Variants in NXN observed in about 807,000 individuals in gnomAD.
NXN encodes nucleoredoxin 1.
NXN carries 16 observed loss-of-function variants against 48.6 expected under a neutral mutation model. The ratio of observed to expected loss-of-function variants is 0.33; its 90% CI spans 0.22 to 0.50. The LOEUF (loss-of-function observed/expected upper bound fraction) is 0.50, where lower values mean the gene tolerates loss of function less well. NXN is among the 20% of genes least tolerant of loss of function. NXN has a pLI of 0.98. For missense variants in NXN, 492 were observed against 605.5 expected (o/e 0.81, Z 1.97); for synonymous variants, 281 against 269.6 (o/e 1.04, Z -0.41).
intron 1 of NXN, among the ~76,000 whole-genome samples, chr17:837,854 C>G (rs748999647): frequency 2.0e-5 from 3 of 152,174 alleles, no homozygotes; most frequent in Non-Finnish European, 4.4e-5. Context: ...CTCCTGGTGG[C>G]TCTGCCATTT....
At chr17:815,152 A>T (rs1445527354) in intron 5 of NXN, among the ~76,000 whole-genome samples, 1 of 152,246 alleles carries the variant, frequency 6.6e-6, no homozygotes, top group African/African-American at 2.4e-5. Context: ...TATACAAAAG[A>T]TAAAAACAAA....
chr17:935,055 G>A (rs2068894397), intron 1 of NXN, among the ~76,000 whole-genome samples: 2 of 148,778 alleles, frequency 1.3e-5, no homozygotes, highest in South Asian at 4.3e-4. Flanking sequence ...GCAGTGGTGT[G>A]ATCTCGGCTC....
intron 1 of NXN, among the ~76,000 whole-genome samples, chr17:951,789 G>A (rs1454341945): frequency 6.6e-6 from 1 of 152,206 alleles, no homozygotes; most frequent in African/African-American, 2.4e-5. Context: ...TTCACCTGGG[G>A]TCCCGTGGGT....
intron 1 of NXN, among the ~76,000 whole-genome samples, chr17:931,843 A>G: frequency 8.7e-6 from 1 of 114,682 alleles, no homozygotes. Flanking sequence ...TCAAAAAAAA[A>G]AAAAAAAAAA....
chr17:846,703 A>G (rs2067866194), intron 1 of NXN, among the ~76,000 whole-genome samples: 1 of 114,282 alleles, frequency 8.8e-6, no homozygotes, highest in Non-Finnish European at 1.7e-5. Flanking sequence ...ACGTTAAAGA[A>G]AAGTGGAGGG....
Position 958,847 on chromosome 17 carries a change from G to A in NXN, c.360+20472C>T, listed in dbSNP as rs367693695. Reference sequence around the variant, plus strand: ...CTCAGGGGGCTGAGGTGGGAGGATCGCTTGAGCCCAGGAGGTCAGGGCTGC... The same window carrying A: ...CTCAGGGGGCTGAGGTGGGAGGATCACTTGAGCCCAGGAGGTCAGGGCTGC... On this transcript the variant is annotated intron_variant, in intron 1 of 7. Coordinates refer to ENST00000336868, the MANE Select transcript of NXN (RefSeq NM_022463.5). The surrounding 1 kb of genome is among the most constrained non-coding windows in gnomAD (Gnocchi z 6.9). Among the ~76,000 whole-genome samples the A allele has an allele frequency of 2.4e-4, 37 of 152,190 alleles. No homozygotes were observed. In the East Asian group the frequency reaches 5.0e-3, roughly 21 times the overall value.
At chr17:842,369 C>T (rs766834021) in intron 1 of NXN, among the ~76,000 whole-genome samples, 1 of 152,236 alleles carries the variant, frequency 6.6e-6, no homozygotes, top group South Asian at 2.1e-4. Flanking sequence ...ACAGGTGAAG[C>T]ATGAAAGGCT....
intron 5 of NXN, among the ~76,000 whole-genome samples, chr17:813,736 A>G (rs191880301): frequency 6.6e-6 from 1 of 152,218 alleles, no homozygotes; most frequent in Admixed American, 6.5e-5. Flanking sequence ...TGGGAGGCCA[A>G]GGCGGGCACA....
intron 1 of NXN, among the ~76,000 whole-genome samples, chr17:897,563 T>TA (rs2068499651): frequency 1.3e-5 from 2 of 152,306 alleles, no homozygotes; most frequent in African/African-American, 4.8e-5. Context: ...ATTGAGAAAT[T>TA]AGACAGTACT....
At chr17:922,943 C>T (rs1349358737) in intron 1 of NXN, among the ~76,000 whole-genome samples, 7 of 152,112 alleles carry the variant, frequency 4.6e-5, no homozygotes, top group Middle Eastern at 3.4e-3. Flanking sequence ...TGAGCCACCA[C>T]GCCCGGCCCA....
intron 4 of NXN, 106 bp from the exon 5 acceptor site, chr17:819,651 G>T (rs911463825): frequency 1.3e-6 from 1 of 784,206 alleles, no homozygotes; most frequent in African/African-American, 1.7e-5. Flanking sequence ...CAGAAGCCGG[G>T]GTTTCTAACC....
At chr17:858,795 G>A (rs2068013213) in intron 1 of NXN, among the ~76,000 whole-genome samples, 1 of 152,198 alleles carries the variant, frequency 6.6e-6, no homozygotes, top group Admixed American at 6.5e-5. Context: ...CGAAGGGTCT[G>A]AGATGCTGGT....
chr17:843,752 C>T (rs565203242), intron 1 of NXN, among the ~76,000 whole-genome samples: 53 of 152,302 alleles, frequency 3.5e-4, no homozygotes, highest in African/African-American at 1.2e-3. Context: ...AGATGTGCCA[C>T]GCTCACTCTG....
intron 1 of NXN, among the ~76,000 whole-genome samples, chr17:904,337 T>C (rs2068564138): frequency 6.6e-6 from 1 of 152,284 alleles, no homozygotes; most frequent in South Asian, 2.1e-4. Flanking sequence ...CCCAGTTTTA[T>C]GGTGCCCCGT....
intron 1 of NXN, among the ~76,000 whole-genome samples, chr17:861,976 T>C (rs1291295299): frequency 6.6e-6 from 1 of 152,080 alleles, no homozygotes; most frequent in Non-Finnish European, 1.5e-5. Flanking sequence ...ATTACAGGCA[T>C]GAACCACCAT....
chr17:839,101 G>A (rs1291004133), intron 1 of NXN, among the ~76,000 whole-genome samples: 1 of 152,196 alleles, frequency 6.6e-6, no homozygotes, highest in Non-Finnish European at 1.5e-5. Context: ...GTGAGAACTG[G>A]ATTAATGCAC....
chr17:822,760 T>C (rs752802464), intron 3 of NXN, among the ~76,000 whole-genome samples: 1 of 152,152 alleles, frequency 6.6e-6, no homozygotes, highest in Non-Finnish European at 1.5e-5. Flanking sequence ...GCATTGTCCC[T>C]ATGCAGTGTG....
chr17:846,701 GA>G (rs11365451), intron 1 of NXN, among the ~76,000 whole-genome samples: 20,879 of 151,990 alleles, frequency 0.14, 1,984 homozygotes, highest in East Asian at 0.3. Flanking sequence ...GTACGTTAAA[GA>G]AAAGTGGAGG....
chr17:908,931 C>T (rs900707503), intron 1 of NXN, among the ~76,000 whole-genome samples: 6 of 152,070 alleles, frequency 3.9e-5, no homozygotes, highest in Admixed American at 6.6e-5. Context: ...GTGAAACCCC[C>T]GTCTCTACTA....
Sources: gnomAD v4.1 joint callset for allele counts (sites outside exome capture counted in the v4.1 genomes callset) on GRCh38, gnomAD v4.1.1 for gene constraint, Gnocchi (gnomAD v3.1) non-coding constraint, MANE v1.5 for transcripts, NCBI Gene and HGNC (gene_info 2026-07-23, HGNC 2026-07-21) for gene names.